Variants in STX8 observed in about 807,000 individuals in gnomAD.
The protein encoded by STX8 is syntaxin 8.
In STX8, 23 loss-of-function variants were observed where a neutral mutation model predicts 37.5. The observed-to-expected ratio is 0.61, with a 90% confidence interval of 0.44 to 0.87. The LOEUF is 0.87. STX8 is among the 40% of genes least tolerant of loss of function. STX8 has a pLI of 0.00. For missense variants in STX8, 313 were observed against 284.7 expected (o/e 1.10, Z -0.71); for synonymous variants, 115 against 99.1 (o/e 1.16, Z -0.95).
chr17:9,542,375 AAAC>A (rs1378303932), intron 4 of STX8, among the ~76,000 whole-genome samples: 1 of 149,448 alleles, frequency 6.7e-6, no homozygotes, highest in African/African-American at 2.5e-5. Context: ...AAACAAACAA[AAAC>A]AACAACAAAA....
chr17:9,568,388 C>G lies in STX8; in HGVS notation c.100G>C (p.Gly34Arg), dbSNP rs765908145. ...GGTATTACCTTTGGTGCCTTTTCACCTTTTCTTTCATATTGATTTCGTTGT... is the reference window on the plus strand; with the variant it reads ...GGTATTACCTTTGGTGCCTTTTCACGTTTTCTTTCATATTGATTTCGTTGT... ...IQQRNQYERK[G>R]EKAPKLTVTI... The change falls in exon 2 of 8, where the codon GGT becomes CGT. Residue 34 changes from glycine (G) to arginine (R), a missense_variant. Transcript: ENST00000306357. The G allele has an allele frequency of 4.3e-5, 70 of 1,611,200 alleles. 1 individual carries two copies. The highest frequency in any genetic ancestry group is 2.9e-4 in the South Asian group (26 of 90,874).
At chr17:9,437,664 G>C (rs545219137) in intron 6 of STX8, 2 of 152,208 alleles carry the variant, frequency 1.3e-5, no homozygotes, top group Non-Finnish European at 2.9e-5. Context: ...CCATTTAAGA[G>C]ATTAGTTCAA....
chr17:9,505,338 G>A (rs1412245476), intron 4 of STX8, among the ~76,000 whole-genome samples, 176 bp from the exon 5 acceptor site: 1 of 152,174 alleles, frequency 6.6e-6, no homozygotes, highest in Non-Finnish European at 1.5e-5. Context: ...GAGATACAAG[G>A]ATGAATAAGG....
chr17:9,254,305 T>C (rs983446936), intron 7 of STX8, among the ~76,000 whole-genome samples: 1 of 152,108 alleles, frequency 6.6e-6, no homozygotes. Flanking sequence ...GTCTAGTTAA[T>C]CCCTCAAACT....
chr17:9,563,529 A>C (rs1215193145), intron 2 of STX8, among the ~76,000 whole-genome samples: 1 of 152,138 alleles, frequency 6.6e-6, no homozygotes, highest in Non-Finnish European at 1.5e-5. Context: ...ACACACAGAC[A>C]CACAGAGACA....
chr17:9,366,233 T>C (rs1911225502), intron 7 of STX8, among the ~76,000 whole-genome samples: 1 of 152,168 alleles, frequency 6.6e-6, no homozygotes, highest in African/African-American at 2.4e-5. Flanking sequence ...TGTTACATTT[T>C]TGTTTGTTTG....
rs569010427 is a variant in STX8 at position 9,555,129 on chromosome 17, C to A, written c.212+2305G>T. 6 of 152,166 alleles carry A rather than the reference C, an allele frequency of 3.9e-5. No individual in the cohort carries two copies. The East Asian group carries it at 1.2e-3, about 29-fold the overall frequency. The allele number at this position is 152,166 out of a possible 1,614,324, so 9.4% of individuals were successfully genotyped here. The stretch of plus-strand genomic sequence containing the variant: ...AAATTCTAAATTATCCACATTAAGA[C>A]CCCTAAATATTTTTGTAATGTTTTA... On this transcript the variant is annotated intron_variant, in intron 3 of 7. Coordinates refer to ENST00000306357, the MANE Select transcript of STX8 (RefSeq NM_004853.3).
chr17:9,486,808 G>A (rs1237024353), intron 6 of STX8, among the ~76,000 whole-genome samples: 3 of 151,794 alleles, frequency 2.0e-5, no homozygotes, highest in African/African-American at 2.4e-5. Flanking sequence ...GCAGTGAGAC[G>A]TGACTGTGCC....
At chr17:9,276,858 G>A (rs1228145435) in intron 7 of STX8, among the ~76,000 whole-genome samples, 3 of 151,694 alleles carry the variant, frequency 2.0e-5, no homozygotes, top group Non-Finnish European at 4.4e-5. Flanking sequence ...GGCTGGTCTC[G>A]AACTCCTGAT....
At chr17:9,347,870 T>C (rs1269827195) in intron 7 of STX8, among the ~76,000 whole-genome samples, 1 of 152,216 alleles carries the variant, frequency 6.6e-6, no homozygotes, top group Non-Finnish European at 1.5e-5. Flanking sequence ...TGGACATTTA[T>C]ATAAATTAAA....
At chr17:9,565,038 T>C (rs536805907) in intron 2 of STX8, among the ~76,000 whole-genome samples, 1 of 151,678 alleles carries the variant, frequency 6.6e-6, no homozygotes, top group African/African-American at 2.4e-5. Context: ...CAAGAGCCCA[T>C]CTCTACTAAA....
At chr17:9,293,271 A>G (rs1383500283) in intron 7 of STX8, among the ~76,000 whole-genome samples, 1 of 152,204 alleles carries the variant, frequency 6.6e-6, no homozygotes, top group Non-Finnish European at 1.5e-5. Context: ...GTTTCTAGGC[A>G]GTATTCTAGG....
At chr17:9,470,235 C>T (rs1905793027) in intron 6 of STX8, among the ~76,000 whole-genome samples, 1 of 152,140 alleles carries the variant, frequency 6.6e-6, no homozygotes, top group Admixed American at 6.5e-5. Context: ...CAGAATAAAC[C>T]GTTGAGACCA....
chr17:9,417,623 C>T (rs112834325), intron 6 of STX8, among the ~76,000 whole-genome samples: 1 of 152,098 alleles, frequency 6.6e-6, no homozygotes, highest in Non-Finnish European at 1.5e-5. Flanking sequence ...CTCAGTGGGG[C>T]CCTAGATAGC....
chr17:9,269,305 G>A (rs1319547846), intron 7 of STX8, among the ~76,000 whole-genome samples: 1 of 152,110 alleles, frequency 6.6e-6, no homozygotes, highest in Non-Finnish European at 1.5e-5. Context: ...TGGGGTACAC[G>A]TCCTTCTCCT....
At chr17:9,524,358 T>C (rs2142530458) in intron 4 of STX8, among the ~76,000 whole-genome samples, 1 of 152,316 alleles carries the variant, frequency 6.6e-6, no homozygotes, top group Non-Finnish European at 1.5e-5. Flanking sequence ...CATAAGCAGA[T>C]ACGGTGTCTG....
chr17:9,574,597 C>T (rs914357005), intron 1 of STX8, among the ~76,000 whole-genome samples: 1 of 151,580 alleles, frequency 6.6e-6, no homozygotes, highest in African/African-American at 2.4e-5. Flanking sequence ...TGCAATGGCA[C>T]GATCTCAGCT....
chr17:9,386,227 C>A (rs1912009564), intron 6 of STX8, among the ~76,000 whole-genome samples: 1 of 151,894 alleles, frequency 6.6e-6, no homozygotes. Context: ...TGGGGTATAT[C>A]TGTTAATGGA....
chr17:9,469,519 G>A (rs1442683823), intron 6 of STX8, among the ~76,000 whole-genome samples: 1 of 152,088 alleles, frequency 6.6e-6, no homozygotes, highest in African/African-American at 2.4e-5. Context: ...CCTTATTAAT[G>A]TACATCCCAA....
Sources: allele counts gnomAD v4.1 joint callset (sites outside exome capture counted in the v4.1 genomes callset), GRCh38; gene constraint gnomAD v4.1.1; transcripts MANE v1.5; gene names NCBI Gene and HGNC (gene_info 2026-07-23, HGNC 2026-07-21).